ASTN2: variants seen among roughly 807,000 people sequenced by gnomAD.
ASTN2 encodes the protein astrotactin 2.
Under a neutral mutation model 139.8 loss-of-function variants are expected in ASTN2, and 54 were observed. That is an observed-to-expected ratio of 0.39 (90% CI 0.31 to 0.48). The LOEUF is 0.48. Among genes scored for constraint, ASTN2 ranks in the 20% least tolerant of loss-of-function variants. ASTN2 has a pLI of 0.95. For synonymous variants in ASTN2, 756 were observed against 719.5 expected (o/e 1.05, Z -0.81); for missense variants, 1,565 against 1,725.1 (o/e 0.91, Z 1.64).
chr9:117,080,878 A>G (rs115147759), intron 5 of ASTN2, among the ~76,000 whole-genome samples: 1,920 of 152,288 alleles, frequency 0.013, 46 homozygotes, highest in African/African-American at 0.044. Flanking sequence ...TACAATGTGT[A>G]TTAAATGAAT....
chr9:117,344,798 G>A (rs1829164641), intron 1 of ASTN2, among the ~76,000 whole-genome samples: 2 of 152,132 alleles, frequency 1.3e-5, no homozygotes, highest in South Asian at 4.1e-4. Context: ...TACAGGGGAG[G>A]GAAGCAGCCC....
At chr9:116,867,486 C>T (rs1010348202) in intron 10 of ASTN2, among the ~76,000 whole-genome samples, 1 of 141,504 alleles carries the variant, frequency 7.1e-6, no homozygotes, top group Admixed American at 7.5e-5. Flanking sequence ...GGAGGCGGAG[C>T]TTGCAGTGAG....
intron 13 of ASTN2, among the ~76,000 whole-genome samples, chr9:116,765,964 T>C (rs1293867747): frequency 5.3e-5 from 8 of 152,192 alleles, no homozygotes; most frequent in Non-Finnish European, 4.4e-5. Flanking sequence ...AAGCGTTGTG[T>C]GGCCTTGGGC....
At chr9:116,896,947 T>G (rs1047688329) in intron 10 of ASTN2, among the ~76,000 whole-genome samples, 52 of 152,138 alleles carry the variant, frequency 3.4e-4, no homozygotes, top group African/African-American at 1.2e-3. Context: ...ATGAGGGGGC[T>G]ACCAGGTGGG....
chr9:116,826,459 C>T (rs1029757469), intron 11 of ASTN2, among the ~76,000 whole-genome samples: 1 of 152,130 alleles, frequency 6.6e-6, no homozygotes, highest in Non-Finnish European at 1.5e-5. Context: ...ACAGAGTACA[C>T]CACACTCTCC....
intron 16 of ASTN2, among the ~76,000 whole-genome samples, chr9:116,705,821 G>A (rs909971647): frequency 3.9e-5 from 6 of 152,124 alleles, no homozygotes; most frequent in African/African-American, 1.4e-4. Context: ...AGAAGATCTG[G>A]TTGCTGAAGG....
Position 116,586,812 on chromosome 9 carries a change from T to TCACA in ASTN2, c.3355+31508_3355+31511dup, listed in dbSNP as rs141414264. 6.1e-3 allele frequency among the ~76,000 whole-genome samples: 488 copies of TCACA among 79,946 alleles called. 9 individuals carry two copies. The highest frequency in any genetic ancestry group is 0.017 in the African/African-American group (240 of 13,994). The allele number at this position is 79,946 out of a possible 152,430, so 52.4% of individuals were successfully genotyped here. A position where few individuals can be genotyped will look rare whatever the true frequency, so the allele number is the denominator to read the frequency against. On this transcript the variant is annotated intron_variant, in intron 19 of 22. Transcript: ENST00000313400. ...AAAAATCTAAAATACCAGTTGAAATTCACACACACACACATACATACACAC... is the reference window on the plus strand; with the variant it reads ...AAAAATCTAAAATACCAGTTGAAATTCACACACACACACACACATACATACACAC...
intron 7 of ASTN2, among the ~76,000 whole-genome samples, chr9:116,978,146 A>C (rs1836405499): frequency 6.6e-6 from 1 of 152,186 alleles, no homozygotes; most frequent in South Asian, 2.1e-4. Context: ...CCCATTCCTC[A>C]AAGCCAGTGT....
At chr9:116,921,294 T>A (rs912770351) in intron 10 of ASTN2, among the ~76,000 whole-genome samples, 23 of 152,140 alleles carry the variant, frequency 1.5e-4, no homozygotes, top group African/African-American at 5.6e-4. Flanking sequence ...CACACTGCTA[T>A]AAAGAACTAC....
At chr9:116,509,090 T>G (rs1015990682) in intron 19 of ASTN2, among the ~76,000 whole-genome samples, 6 of 152,202 alleles carry the variant, frequency 3.9e-5, no homozygotes. Flanking sequence ...ACATGTGCCA[T>G]GTTGGTGTGC....
At chr9:116,842,110 G>C (rs969530074) in intron 11 of ASTN2, among the ~76,000 whole-genome samples, 4 of 152,196 alleles carry the variant, frequency 2.6e-5, no homozygotes, top group African/African-American at 4.8e-5. Flanking sequence ...GTGTAACACA[G>C]AGATTCTGAG....
chr9:117,192,281 C>A (rs1464630329), intron 3 of ASTN2, among the ~76,000 whole-genome samples: 2 of 151,990 alleles, frequency 1.3e-5, no homozygotes, highest in African/African-American at 4.8e-5. Flanking sequence ...GAGGCAGGGT[C>A]TGGTCCAGGA....
chr9:117,331,887 C>A (rs1828721969), intron 1 of ASTN2, among the ~76,000 whole-genome samples: 1 of 152,128 alleles, frequency 6.6e-6, no homozygotes, highest in African/African-American at 2.4e-5. Context: ...CTTTCTACAG[C>A]CTTCTTAGTT....
intron 20 of ASTN2, among the ~76,000 whole-genome samples, chr9:116,469,459 C>A (rs1295731725): frequency 2.0e-4 from 31 of 152,132 alleles, no homozygotes; most frequent in Admixed American, 1.8e-3. Flanking sequence ...TTCCCCTGTG[C>A]CCCTTATAAA....
intron 4 of ASTN2, among the ~76,000 whole-genome samples, chr9:117,111,113 A>G (rs748333780): frequency 6.6e-6 from 1 of 152,244 alleles, no homozygotes; most frequent in South Asian, 2.1e-4. Context: ...AAACATGAGC[A>G]TTAAAGAAAA....
intron 3 of ASTN2, among the ~76,000 whole-genome samples, chr9:117,148,148 G>T (rs952684351): frequency 5.3e-5 from 8 of 152,162 alleles, no homozygotes; most frequent in African/African-American, 1.9e-4. Flanking sequence ...GAAGCAAATG[G>T]ACATTGACCA....
At chr9:117,367,224 A>T (rs1829868398) in intron 1 of ASTN2, among the ~76,000 whole-genome samples, 2 of 152,210 alleles carry the variant, frequency 1.3e-5, no homozygotes, top group East Asian at 3.9e-4. Flanking sequence ...AACAAGGCAT[A>T]CTATTGTGCA....
chr9:116,993,893 A>G (rs1007797533), intron 7 of ASTN2, among the ~76,000 whole-genome samples: 9 of 142,414 alleles, frequency 6.3e-5, no homozygotes, highest in Admixed American at 1.4e-4. Flanking sequence ...CTATATTACT[A>G]TATATATTTT....
At chr9:117,003,101 T>C (rs1837238244) in intron 7 of ASTN2, among the ~76,000 whole-genome samples, 1 of 152,182 alleles carries the variant, frequency 6.6e-6, no homozygotes, top group Admixed American at 6.5e-5. Context: ...ATGGGTAGTG[T>C]ACCTAGAACC....
Sources: gnomAD v4.1 joint callset for allele counts (sites outside exome capture counted in the v4.1 genomes callset) on GRCh38, gnomAD v4.1.1 for gene constraint, MANE v1.5 for transcripts, NCBI Gene and HGNC (gene_info 2026-07-23, HGNC 2026-07-21) for gene names.